ARID4A: variants seen among roughly 807,000 people sequenced by gnomAD.
The protein encoded by ARID4A is AT-rich interaction domain 4A, also known as AT-rich interactive domain-containing protein 4A.
A neutral mutation model predicts 148.6 loss-of-function variants in ARID4A; 39 were observed. The observed-to-expected ratio is 0.26, with a 90% CI of 0.20 to 0.34. The LOEUF is 0.34. ARID4A is among the 10% of genes least tolerant of loss of function. ARID4A has a pLI of 1.00. For missense variants in ARID4A, 1,265 were observed against 1,449.1 expected, an observed-to-expected ratio of 0.87 and a Z score of 2.06; for synonymous variants, 475 against 481.2, an observed-to-expected ratio of 0.99 and a Z score of 0.17.
intron 17 of ARID4A, among the ~76,000 whole-genome samples, chr14:58,356,811 C>T (rs901249537): frequency 2.6e-5 from 4 of 151,730 alleles, no homozygotes; most frequent in African/African-American, 2.4e-5. Context: ...AAGCGATTCT[C>T]CTGCCTCAGC....
At chr14:58,354,573 C>G (rs981570064) in intron 17 of ARID4A, among the ~76,000 whole-genome samples, 6 of 151,728 alleles carry the variant, frequency 4.0e-5, no homozygotes, top group Non-Finnish European at 5.9e-5. Flanking sequence ...GTCCCAGTTA[C>G]CCAGAAGGCT....
chr14:58,322,335 A>C (rs1037993463), intron 7 of ARID4A, among the ~76,000 whole-genome samples: 2 of 152,166 alleles, frequency 1.3e-5, no homozygotes, highest in Non-Finnish European at 2.9e-5. Flanking sequence ...TTAATAATTC[A>C]ATACCCAGTA....
intron 11 of ARID4A, among the ~76,000 whole-genome samples, chr14:58,344,233 A>G (rs2034248360): frequency 6.6e-6 from 1 of 152,166 alleles, no homozygotes; most frequent in South Asian, 2.1e-4. Context: ...TGACTTTGCA[A>G]TCCCTGGTTT....
In ARID4A at chr14:58,373,540, ATT is replaced by A. The variant is rs980973499; in HGVS notation, c.*1552_*1553del. 1.1e-5 allele frequency: 2 copies of A among 177,176 alleles called. No individual in the cohort carries two copies. The highest frequency in any genetic ancestry group is 2.4e-5 in the Non-Finnish European group (2 of 82,346). 11.0% of individuals were successfully genotyped at this position (177,176 alleles called of 1,614,324 possible). On this transcript the variant is annotated 3_prime_UTR_variant, in exon 24 of 24. Transcript: ENST00000355431. ...GTGATGGCATAGCATTACTGAAATC[ATT>A]GTTTCTTAATTTCATTTTACTACAT...
At chr14:58,298,984 A>G (rs960593501) in intron 1 of ARID4A, among the ~76,000 whole-genome samples, 4 of 152,188 alleles carry the variant, frequency 2.6e-5, no homozygotes, top group Admixed American at 6.5e-5. Context: ...CCGCGCGGTG[A>G]AGAGCGGGCT....
intron 19 of ARID4A, among the ~76,000 whole-genome samples, chr14:58,362,343 C>A (rs2035169428): frequency 6.6e-6 from 1 of 152,106 alleles, no homozygotes. Flanking sequence ...AATCCCAGCA[C>A]CTTGGGAGGC....
intron 5 of ARID4A, among the ~76,000 whole-genome samples, chr14:58,316,575 C>T (rs541818031): frequency 1.3e-4 from 19 of 151,774 alleles, no homozygotes; most frequent in African/African-American, 4.4e-4. Flanking sequence ...TCAAGTAGTA[C>T]GATTTTGTTT....
At chr14:58,330,232 T>C in intron 11 of ARID4A, 63 bp downstream of exon 11, 1 of 1,544,272 alleles carries the variant, frequency 6.5e-7, no homozygotes, top group Non-Finnish European at 8.7e-7. Context: ...AATAATACCT[T>C]CATATATTTT....
At chr14:58,318,378 A>C (rs1401052904) in intron 5 of ARID4A, among the ~76,000 whole-genome samples, 164 bp from the exon 6 acceptor site, 1 of 152,244 alleles carries the variant, frequency 6.6e-6, no homozygotes. Context: ...TGTAGAATGA[A>C]AAATATGGCA....
At chr14:58,361,368 AGTTTT>A in intron 19 of ARID4A, among the ~76,000 whole-genome samples, 1 of 152,282 alleles carries the variant, frequency 6.6e-6, no homozygotes, top group South Asian at 2.1e-4. Flanking sequence ...TATTTTTAAT[AGTTTT>A]GTTCATGAAA....
At chr14:58,322,655 C>T (rs2032965085) in intron 7 of ARID4A, among the ~76,000 whole-genome samples, 1 of 151,974 alleles carries the variant, frequency 6.6e-6, no homozygotes, top group Non-Finnish European at 1.5e-5. Context: ...CAATATATTG[C>T]AGGATGTCTT....
intron 11 of ARID4A, among the ~76,000 whole-genome samples, chr14:58,331,100 A>G (rs144148529): frequency 1.3e-5 from 2 of 152,354 alleles, no homozygotes; most frequent in African/African-American, 4.8e-5. Flanking sequence ...GTCATATGTA[A>G]TGAAGGGCAT....
chr14:58,364,529 C>G lies in ARID4A; in HGVS notation c.2440C>G (p.Gln814Glu), dbSNP rs367570029. The change falls in exon 20 of 24, where the codon CAG (glutamine) becomes GAG (glutamate). Residue 814 changes from glutamine to glutamate, a missense_variant. Coordinates refer to ENST00000355431, the MANE Select transcript of ARID4A (RefSeq NM_002892.4). ...LEIIKISSFG[Q>E]NEAGSEPHIE... ...AATTATAAAGATTTCATCATTTGGC[C>G]AGAATGAAGCAGGAAGTGAACCTCA... The G allele has an allele frequency of 2.6e-5, 42 of 1,611,192 alleles. No homozygotes were observed. Among genetic ancestry groups the G allele is most frequent in the Non-Finnish European group, 3.5e-5 (41 of 1,179,476 alleles).
intron 4 of ARID4A, among the ~76,000 whole-genome samples, chr14:58,305,558 C>T (rs1320880690): frequency 1.3e-5 from 2 of 152,180 alleles, no homozygotes; most frequent in African/African-American, 4.8e-5. Context: ...CCCTATCTCT[C>T]CAGGTGAACC....
intron 5 of ARID4A, among the ~76,000 whole-genome samples, chr14:58,318,202 A>G (rs2140162435): frequency 6.6e-6 from 1 of 152,300 alleles, no homozygotes; most frequent in South Asian, 2.1e-4. Context: ...ACTTTTTTTA[A>G]TCAGGTTTTT....
At chr14:58,348,339 G>C (rs911605556) in intron 15 of ARID4A, among the ~76,000 whole-genome samples, 1 of 152,128 alleles carries the variant, frequency 6.6e-6, no homozygotes, top group Admixed American at 6.5e-5. Context: ...TGTTTATTTC[G>C]TTTATTGACA....
At chr14:58,346,300 A>G in intron 12 of ARID4A, 111 bp from the exon 13 acceptor site, 1 of 630,394 alleles carries the variant, frequency 1.6e-6, no homozygotes, top group Non-Finnish European at 2.7e-6. Flanking sequence ...CTCTTTAAAT[A>G]TGTGCCTCTA....
chr14:58,365,742 GTAT>G (rs1444801433), intron 21 of ARID4A, 120 bp downstream of exon 21: 6 of 891,372 alleles, frequency 6.7e-6, no homozygotes, highest in Non-Finnish European at 1.0e-5. Flanking sequence ...TCATTTAACA[GTAT>G]TATACTAGAT....
At chr14:58,318,424 A>G (rs1243936745) in intron 5 of ARID4A, 118 bp from the exon 6 acceptor site, 1 of 1,028,886 alleles carries the variant, frequency 9.7e-7, no homozygotes, top group Non-Finnish European at 1.4e-6. Flanking sequence ...AAAAATGACT[A>G]AAATAATGGT....
Sources: gnomAD v4.1 joint callset for allele counts (sites outside exome capture counted in the v4.1 genomes callset) on GRCh38, gnomAD v4.1.1 for gene constraint, MANE v1.5 for transcripts, NCBI Gene and HGNC (gene_info 2026-07-23, HGNC 2026-07-21) for gene names.